ITPR1: variants seen among roughly 807,000 people sequenced by gnomAD.
ITPR1 encodes inositol 1,4,5-trisphosphate-gated calcium channel ITPR1.
Under a neutral mutation model 318.4 loss-of-function variants are expected in ITPR1, and 96 were observed. The observed-to-expected ratio is 0.30, with a 90% CI of 0.26 to 0.36. ITPR1 has a LOEUF of 0.36. Among genes scored for constraint, ITPR1 ranks in the 10% least tolerant of loss-of-function variants. The pLI, the probability that ITPR1 is intolerant of heterozygous loss-of-function variation, is 1.00. For missense variants in ITPR1, 2,440 were observed against 3,460.2 expected, an observed-to-expected ratio of 0.71 and a Z score of 7.40; for synonymous variants, 1,312 against 1,289.9, an observed-to-expected ratio of 1.02 and a Z score of -0.37.
At chr3:4,653,180 C>T (rs1395083041) in intron 11 of ITPR1, among the ~76,000 whole-genome samples, 1 of 152,114 alleles carries the variant, frequency 6.6e-6, no homozygotes. Flanking sequence ...TCAAAAGACC[C>T]CCACTGTTGT....
chr3:4,554,375 A>G (rs1202724365), intron 4 of ITPR1, among the ~76,000 whole-genome samples: 2 of 152,242 alleles, frequency 1.3e-5, no homozygotes, highest in African/African-American at 4.8e-5. Context: ...TCGCAGAAGG[A>G]ATCAGTACTT....
At chr3:4,737,010 C>A (rs1292297904) in intron 44 of ITPR1, among the ~76,000 whole-genome samples, 2 of 152,154 alleles carry the variant, frequency 1.3e-5, no homozygotes, top group Non-Finnish European at 2.9e-5. Flanking sequence ...AGGTTGAAGA[C>A]CTGGCCATTT....
At chr3:4,651,275 G>T (rs1479909531) in intron 10 of ITPR1, among the ~76,000 whole-genome samples, 1 of 152,176 alleles carries the variant, frequency 6.6e-6, no homozygotes, top group African/African-American at 2.4e-5. Context: ...GGAGCCTCCT[G>T]TGCAGACTTC....
intron 4 of ITPR1, among the ~76,000 whole-genome samples, chr3:4,570,325 A>G (rs1559466646): frequency 6.6e-6 from 1 of 152,268 alleles, no homozygotes; most frequent in Non-Finnish European, 1.5e-5. Context: ...TAATCTGTGA[A>G]TAGCATTTAA....
At chr3:4,640,945 G>C (rs752361248) in intron 6 of ITPR1, among the ~76,000 whole-genome samples, 4 of 152,164 alleles carry the variant, frequency 2.6e-5, no homozygotes, top group Non-Finnish European at 5.9e-5. Flanking sequence ...GGAAGACGTT[G>C]CCTTCTCCTT....
At chr3:4,801,939 C>T (rs1280317889) in intron 54 of ITPR1, among the ~76,000 whole-genome samples, 2 of 152,260 alleles carry the variant, frequency 1.3e-5, no homozygotes, top group Admixed American at 1.3e-4. Context: ...AAGAGTTTCA[C>T]CTCATTCGTG....
intron 40 of ITPR1, among the ~76,000 whole-genome samples, chr3:4,724,835 G>A (rs1204486817): frequency 6.6e-6 from 1 of 152,146 alleles, no homozygotes; most frequent in Non-Finnish European, 1.5e-5. Context: ...ATTAAATCAA[G>A]GGGGAGGGTG....
chr3:4,846,050 A>G (rs1396959598), intron 61 of ITPR1, 89 bp from the exon 62 acceptor site: 4 of 739,928 alleles, frequency 5.4e-6, no homozygotes, highest in Non-Finnish European at 8.8e-6. Flanking sequence ...AGTATAAACC[A>G]TAACCACAGA....
chr3:4,539,984 CAAAAAAA>C (rs749264815), intron 4 of ITPR1, among the ~76,000 whole-genome samples: 1 of 94,510 alleles, frequency 1.1e-5, no homozygotes, highest in African/African-American at 3.4e-5. Flanking sequence ...GACTAAGATG[CAAAAAAA>C]AAAAAAAAAG....
intron 4 of ITPR1, among the ~76,000 whole-genome samples, chr3:4,596,922 G>GT (rs2125075603): frequency 1.3e-5 from 2 of 152,306 alleles, no homozygotes; most frequent in South Asian, 4.1e-4. Context: ...GAGGCTGATA[G>GT]TTTTAGTGTG....
rs1233945584 is a variant in ITPR1 at position 4,702,767 on chromosome 3, G to A, written c.4537-63G>A. ...CAAGACAATGTCTCTGTCTCTGATC[G>A]GATCATCAGTAGTCTACAAATAAAA... On this transcript the variant is annotated intron_variant, in intron 35 of 61. Coordinates refer to ENST00000649015, the MANE Select transcript of ITPR1 (RefSeq NM_001378452.1). The A allele has an allele frequency of 5.2e-6, 8 of 1,542,076 alleles. No homozygotes were observed. The African/African-American group carries it at 6.8e-5, about 13-fold the overall frequency.
At chr3:4,814,712 C>T (rs760239383) in intron 58 of ITPR1, 150 bp downstream of exon 58, 6 of 722,786 alleles carry the variant, frequency 8.3e-6, no homozygotes, top group South Asian at 1.9e-5. Flanking sequence ...CATCAGGCTC[C>T]TTTCCTCTCT....
chr3:4,624,025 G>T (rs2092733001), intron 4 of ITPR1, among the ~76,000 whole-genome samples: 1 of 152,194 alleles, frequency 6.6e-6, no homozygotes, highest in South Asian at 2.1e-4. Context: ...CCCTTTGTTA[G>T]GTGACGTGCT....
At chr3:4,569,320 A>G (rs1482796576) in intron 4 of ITPR1, among the ~76,000 whole-genome samples, 1 of 152,262 alleles carries the variant, frequency 6.6e-6, no homozygotes, top group Non-Finnish European at 1.5e-5. Flanking sequence ...CATATAAAAT[A>G]TAAAATTTGA....
chr3:4,656,677 C>G (rs1027690830), intron 12 of ITPR1, among the ~76,000 whole-genome samples: 1 of 152,202 alleles, frequency 6.6e-6, no homozygotes, highest in South Asian at 2.1e-4. Context: ...GTTAGATTCT[C>G]CCAGGCTCTC....
At chr3:4,814,902 A>G in intron 58 of ITPR1, 151 bp from the exon 59 acceptor site, 6 of 702,484 alleles carry the variant, frequency 8.5e-6, no homozygotes, top group South Asian at 1.9e-5. Context: ...GACAGGGGAC[A>G]TGAAAAGAGA....
intron 49 of ITPR1, 149 bp from the exon 50 acceptor site, chr3:4,782,470 G>A: frequency 3.0e-6 from 2 of 656,270 alleles, no homozygotes; most frequent in Non-Finnish European, 4.9e-6. Flanking sequence ...TGTCATGAAG[G>A]ATTCTGAGGC....
chr3:4,843,021 T>C (rs1284765110), intron 61 of ITPR1, among the ~76,000 whole-genome samples: 1 of 151,852 alleles, frequency 6.6e-6, no homozygotes, highest in African/African-American at 2.4e-5. Flanking sequence ...GCGTCCAGAA[T>C]TGTTGGCCTC....
At chr3:4,566,817 T>A (rs1435008130) in intron 4 of ITPR1, among the ~76,000 whole-genome samples, 1 of 152,250 alleles carries the variant, frequency 6.6e-6, no homozygotes, top group Admixed American at 6.5e-5. Context: ...CCAAGAGTAG[T>A]CAGGACCAGT....
Sources: allele counts gnomAD v4.1 joint callset (sites outside exome capture counted in the v4.1 genomes callset), GRCh38; gene constraint gnomAD v4.1.1; transcripts MANE v1.5; gene names NCBI Gene and HGNC (gene_info 2026-07-23, HGNC 2026-07-21).